Variants in FBXL13 observed in about 807,000 individuals in gnomAD.
FBXL13 encodes the protein F-box and leucine-rich repeat protein 13.
A neutral mutation model predicts 83.6 loss-of-function variants in FBXL13; 67 were observed. That is an observed-to-expected ratio of 0.80 (90% CI 0.66 to 0.98). The LOEUF is 0.98. Ranked by LOEUF, FBXL13 falls within the 50% of genes least tolerant of loss-of-function variation. The probability of loss-of-function intolerance (pLI) is 0.00; values close to 1 mark genes in which losing one functional copy is unlikely to be tolerated. For synonymous variants in FBXL13, 272 were observed against 299.5 expected, an observed-to-expected ratio of 0.91 and a Z score of 0.95; for missense variants, 822 against 866.5, an observed-to-expected ratio of 0.95 and a Z score of 0.64.
At chr7:102,933,958 G>C (rs568793708) in intron 8 of FBXL13, 1 of 1,613,538 alleles carries the variant, frequency 6.2e-7, no homozygotes, top group South Asian at 1.1e-5. Flanking sequence ...TTTGCAAAGC[G>C]GCTGAGCTGC....
chr7:103,072,004 G>A (rs1312066042), intron 1 of FBXL13, among the ~76,000 whole-genome samples: 1 of 151,956 alleles, frequency 6.6e-6, no homozygotes, highest in Non-Finnish European at 1.5e-5. Context: ...CCAACATGGT[G>A]AAACCCTGTC....
intron 8 of FBXL13, among the ~76,000 whole-genome samples, chr7:102,951,525 G>A (rs1823401000): frequency 6.6e-6 from 1 of 151,138 alleles, no homozygotes; most frequent in Non-Finnish European, 1.5e-5. Context: ...AGACTGAAGT[G>A]GGCTAGGTGC....
At chr7:102,813,719 A>G (rs114631614) in intron 19 of FBXL13, among the ~76,000 whole-genome samples, 188 bp from the exon 21 acceptor site, 2,122 of 152,334 alleles carry the variant, frequency 0.014, 54 homozygotes, top group African/African-American at 0.048. Context: ...AAGCCTCAGT[A>G]ACTCTGATTC....
chr7:102,990,029 A>G (rs536417394), intron 6 of FBXL13, among the ~76,000 whole-genome samples: 1 of 152,360 alleles, frequency 6.6e-6, no homozygotes, highest in Non-Finnish European at 1.5e-5. Context: ...ACTGCACATC[A>G]TAAGTAGCAC....
At chr7:102,980,763 C>T (rs549689568) in intron 6 of FBXL13, among the ~76,000 whole-genome samples, 9 of 150,782 alleles carry the variant, frequency 6.0e-5, no homozygotes, top group East Asian at 2.0e-4. Flanking sequence ...GGCGACAGAG[C>T]GAGACTCCAT....
chr7:103,068,338 A>G (rs74750505), intron 1 of FBXL13, among the ~76,000 whole-genome samples: 1,673 of 152,294 alleles, frequency 0.011, 35 homozygotes, highest in African/African-American at 0.039. Flanking sequence ...GGGAAGATAC[A>G]TAGTTTGGAA....
rs771908199 is a variant in FBXL13 at position 102,909,177 on chromosome 7, G to A, written c.1008+3909C>T. Among the ~76,000 whole-genome samples the A allele has an allele frequency of 6.3e-4, 96 of 152,130 alleles. 1 individual carries two copies. Among genetic ancestry groups the A allele is most frequent in the Non-Finnish European group, 1.1e-3 (76 of 68,006 alleles). ...AGAGGAACCTTACCCTGTAGCCACC[G>A]CCACCCCAGGCCATGAGTAGTATTG... is the stretch of plus-strand genomic sequence containing the variant. On this transcript the variant is annotated intron_variant, in intron 11 of 19. Transcript: ENST00000313221.
chr7:102,997,391 A>T (rs1490447031), intron 6 of FBXL13, among the ~76,000 whole-genome samples: 1 of 152,166 alleles, frequency 6.6e-6, no homozygotes, highest in African/African-American at 2.4e-5. Context: ...TGGGATATTA[A>T]TCACCTCCAA....
intron 2 of FBXL13, among the ~76,000 whole-genome samples, chr7:103,031,583 C>A (rs1253558169): frequency 6.6e-6 from 1 of 152,136 alleles, no homozygotes; most frequent in African/African-American, 2.4e-5. Flanking sequence ...AACACTCACA[C>A]CACTAGTGCT....
chr7:102,862,171 C>T (rs538575968), intron 16 of FBXL13, among the ~76,000 whole-genome samples: 1 of 151,818 alleles, frequency 6.6e-6, no homozygotes, highest in South Asian at 2.1e-4. Context: ...GGTGAAACCC[C>T]GTCTCTACTA....
At chr7:102,972,998 A>G (rs1259141496) in intron 6 of FBXL13, among the ~76,000 whole-genome samples, 1 of 152,166 alleles carries the variant, frequency 6.6e-6, no homozygotes, top group Non-Finnish European at 1.5e-5. Flanking sequence ...ATGTGGAATG[A>G]TTAAATCAGG....
intron 10 of FBXL13, among the ~76,000 whole-genome samples, chr7:102,921,962 G>GGGT: frequency 6.6e-6 from 1 of 152,170 alleles, no homozygotes; most frequent in South Asian, 2.1e-4. Context: ...AGGCCAAGGT[G>GGGT]GGTGGATCAC....
At chr7:102,961,414 G>T (rs1267081356) in intron 8 of FBXL13, among the ~76,000 whole-genome samples, 1 of 150,340 alleles carries the variant, frequency 6.7e-6, no homozygotes, top group Admixed American at 6.6e-5. Flanking sequence ...TACTGCCCAA[G>T]GTAATTTACA....
At chr7:102,826,741 A>ATATATG (rs1799729551) in intron 18 of FBXL13, among the ~76,000 whole-genome samples, 1 of 64,042 alleles carries the variant, frequency 1.6e-5, no homozygotes, top group Admixed American at 1.7e-4. Context: ...ATATATATAT[A>ATATATG]TATATATATA....
chr7:102,859,038 GTAA>G lies in FBXL13; in HGVS notation c.1636-4181_1636-4179del, dbSNP rs71980084. 8.7e-3 allele frequency among the ~76,000 whole-genome samples: 1,320 copies of G among 152,272 alleles called. 24 individuals carry two copies. Among genetic ancestry groups the G allele is most frequent in the African/African-American group, 0.03 (1,259 of 41,546 alleles). On this transcript the variant is annotated intron_variant, in intron 16 of 19. Transcript: ENST00000313221. ...AAAAAATGTTTAAAAAAAGATTGATGTAATAATTGTATAAGTACATAAAACTCA... is the reference window on the plus strand; with the variant it reads ...AAAAAATGTTTAAAAAAAGATTGATGTAATTGTATAAGTACATAAAACTCA...
chr7:102,848,529 C>T (rs1804553528), intron 17 of FBXL13, among the ~76,000 whole-genome samples: 1 of 103,992 alleles, frequency 9.6e-6, no homozygotes, highest in Non-Finnish European at 1.8e-5. Flanking sequence ...GCACTCCAGC[C>T]TGGGCGACAG....
intron 10 of FBXL13, among the ~76,000 whole-genome samples, chr7:102,915,262 A>C (rs554492079): frequency 1.2e-3 from 177 of 152,112 alleles, no homozygotes; most frequent in African/African-American, 4.0e-3. Flanking sequence ...AGAATACAGA[A>C]GTAACAGTAT....
intron 8 of FBXL13, among the ~76,000 whole-genome samples, chr7:102,937,822 A>T (rs1276342171): frequency 2.0e-5 from 3 of 152,232 alleles, no homozygotes; most frequent in African/African-American, 7.2e-5. Flanking sequence ...GCTAGAATTG[A>T]AGTGTGACAA....
intron 6 of FBXL13, among the ~76,000 whole-genome samples, chr7:102,969,861 AAAAGAAAAGAAAAGG>A (rs1182215764): frequency 1.3e-5 from 2 of 149,644 alleles, no homozygotes; most frequent in Non-Finnish European, 3.0e-5. Flanking sequence ...GAGGGAAAAG[AAAAGAAAAGAAAAGG>A]AAAGAAAAGA....
Sources: allele counts gnomAD v4.1 joint callset (sites outside exome capture counted in the v4.1 genomes callset), GRCh38; gene constraint gnomAD v4.1.1; transcripts MANE v1.5; gene names NCBI Gene and HGNC (gene_info 2026-07-23, HGNC 2026-07-21).